NPAT: variants seen among roughly 807,000 people sequenced by gnomAD.
The protein encoded by NPAT is protein NPAT.
In NPAT, 52 loss-of-function variants were observed where a neutral mutation model predicts 130.7. The ratio of observed to expected loss-of-function variants is 0.40; its 90% CI spans 0.32 to 0.50. The LOEUF (loss-of-function observed/expected upper bound fraction) is 0.50, where lower values mean the gene tolerates loss of function less well. Ranked by LOEUF, NPAT falls within the 20% of genes least tolerant of loss-of-function variation. The probability of loss-of-function intolerance (pLI) is 0.68; values close to 1 mark genes in which losing one functional copy is unlikely to be tolerated. For missense variants in NPAT, 1,687 were observed against 1,662.6 expected (o/e 1.01, Z -0.26); for synonymous variants, 580 against 584.8 (o/e 0.99, Z 0.12).
At chr11:108,160,558 A>C (rs532180073) in intron 17 of NPAT, among the ~76,000 whole-genome samples, 40 of 113,168 alleles carry the variant, frequency 3.5e-4, no homozygotes, top group Admixed American at 6.3e-4. Flanking sequence ...GAAAGAAAGA[A>C]AAACTTTTTC....
chr11:108,187,405 T>C (rs934756479), intron 7 of NPAT, among the ~76,000 whole-genome samples: 5 of 152,322 alleles, frequency 3.3e-5, no homozygotes, highest in African/African-American at 1.2e-4. Flanking sequence ...TGAGTTATGA[T>C]TGTACCACTA....
chr11:108,182,490 TA>T (rs1486913466), intron 10 of NPAT, among the ~76,000 whole-genome samples: 1 of 152,240 alleles, frequency 6.6e-6, no homozygotes. Flanking sequence ...TAAAAACTGT[TA>T]TTTAAATCTT....
chr11:108,160,147 C>CAAA (rs777274843), intron 17 of NPAT, among the ~76,000 whole-genome samples: 1 of 100,358 alleles, frequency 1.0e-5, no homozygotes, highest in Non-Finnish European at 2.0e-5. Context: ...GACTCTGTCT[C>CAAA]AAAAAAAAAA....
chr11:108,220,706 G>A lies in NPAT; in HGVS notation c.37+1794C>T, dbSNP rs190498189. ...GTAAAATGATAAACGACAAAAGTAA[G>A]AGCATTAGGCATGGGGAGGCTTTTT... is the stretch of plus-strand genomic sequence containing the variant. On this transcript the variant is annotated intron_variant, in intron 1 of 17. Transcript: ENST00000278612. Among the ~76,000 whole-genome samples, 476 of 152,336 alleles carry A rather than the reference G, an allele frequency of 3.1e-3. 1 individual carries two copies. The highest frequency in any genetic ancestry group is 5.7e-3 in the Non-Finnish European group (385 of 68,022).
At chr11:108,187,264 AAC>A (rs1279119390) in intron 7 of NPAT, among the ~76,000 whole-genome samples, 1 of 152,158 alleles carries the variant, frequency 6.6e-6, no homozygotes, top group African/African-American at 2.4e-5. Flanking sequence ...CAGCCTGGGC[AAC>A]AAAGTGAGAC....
At chr11:108,220,536 A>C (rs2078473857) in intron 1 of NPAT, among the ~76,000 whole-genome samples, 1 of 152,212 alleles carries the variant, frequency 6.6e-6, no homozygotes, top group Non-Finnish European at 1.5e-5. Flanking sequence ...TAGGCACCCA[A>C]AGATTTGCTA....
At chr11:108,191,358 T>C (rs1372394363) in intron 4 of NPAT, among the ~76,000 whole-genome samples, 1 of 152,124 alleles carries the variant, frequency 6.6e-6, no homozygotes, top group Non-Finnish European at 1.5e-5. Context: ...GTTAATTCTT[T>C]TAGTATGAAT....
intron 10 of NPAT, among the ~76,000 whole-genome samples, chr11:108,181,951 G>A (rs914853899): frequency 3.9e-5 from 6 of 152,194 alleles, no homozygotes; most frequent in Admixed American, 2.0e-4. Flanking sequence ...CAGTCAAGTA[G>A]TGTGATGGCT....
At position 108,171,926 on chromosome 11, in the gene NPAT, T is replaced by C; in HGVS notation, c.2785+273A>G. 7.2e-6 allele frequency: 3 copies of C among 418,262 alleles called. No individual in the cohort carries two copies. In the Middle Eastern group the frequency reaches 2.1e-3, roughly 287 times the overall value. The allele number at this position is 418,262 out of a possible 1,614,324, so 25.9% of individuals were successfully genotyped here. A position where few individuals can be genotyped will look rare whatever the true frequency, so the allele number is the denominator to read the frequency against. On this transcript the variant is annotated intron_variant, in intron 13 of 17. Transcript: ENST00000278612. ...ACTATGTGATGAATTAGTCTGTCTTTTCTGTTTATTGTAACTTACTAGCAC... is the reference window on the plus strand; with the variant it reads ...ACTATGTGATGAATTAGTCTGTCTTCTCTGTTTATTGTAACTTACTAGCAC...
intron 1 of NPAT, among the ~76,000 whole-genome samples, chr11:108,203,580 G>T (rs552638936): frequency 6.6e-6 from 1 of 152,206 alleles, no homozygotes; most frequent in Admixed American, 6.5e-5. Flanking sequence ...AATGACAAAA[G>T]GTTAAGTGTC....
At chr11:108,160,796 T>C in intron 17 of NPAT, 84 bp downstream of exon 17, 1 of 1,227,492 alleles carries the variant, frequency 8.1e-7, no homozygotes. Flanking sequence ...TCAGTCAAGT[T>C]GTTGTGGCAA....
chr11:108,208,041 C>T (rs949534338), intron 1 of NPAT, among the ~76,000 whole-genome samples: 2 of 152,248 alleles, frequency 1.3e-5, no homozygotes, highest in African/African-American at 2.4e-5. Context: ...TATCCCTTAT[C>T]TGAAATGCTT....
chr11:108,181,686 T>C (rs944134141), intron 10 of NPAT, among the ~76,000 whole-genome samples: 13 of 151,820 alleles, frequency 8.6e-5, no homozygotes, highest in Admixed American at 6.6e-4. Context: ...TTTTCCTTTA[T>C]ATCACACTAA....
chr11:108,197,501 T>C, intron 1 of NPAT, 81 bp from the exon 2 acceptor site: 3 of 895,692 alleles, frequency 3.3e-6, no homozygotes, highest in Non-Finnish European at 5.6e-6. Flanking sequence ...TGCTGTAGCA[T>C]GTACTGATGT....
rs2078194673 is a variant in NPAT, at chr11:108,193,850, T to C, written c.217+107A>G. 1.6e-5 allele frequency: 11 copies of C among 707,868 alleles called. No individual in the cohort carries two copies. In the East Asian group the frequency reaches 3.0e-4, roughly 20 times the overall value. The allele number at this position is 707,868 out of a possible 1,614,324, so 43.8% of individuals were successfully genotyped here. On this transcript the variant is annotated intron_variant, in intron 3 of 17. Transcript: ENST00000278612. Reference sequence around the variant, plus strand: ...CTCATTACAACAGGGACAAGTTTTTTCAAGGCTTTTATGAGACATTAATAA... The same window carrying C: ...CTCATTACAACAGGGACAAGTTTTTCCAAGGCTTTTATGAGACATTAATAA...
Position 108,193,983 on chromosome 11 carries a change from T to A in NPAT, c.191A>T (p.Asn64Ile). The A allele has an allele frequency of 6.3e-7, 1 of 1,579,530 alleles. No homozygotes were observed. The highest frequency in any genetic ancestry group is 8.7e-7 in the Non-Finnish European group (1 of 1,149,460). ...TTTTGTTTTCATAGCTACATACTCA[T>A]TTAAAATTGTTGTCAAGTTTTTTCC... ...LFGKNLTTIL[N>I]EYVAMKTKET... Residue 64 changes from asparagine to isoleucine, a missense_variant, in exon 3 of 18, where the codon AAT becomes ATT. Asn to Ile is a moderately radical substitution (Grantham distance 149). Around this residue, in one of 3 missense-constraint regions of NPAT, gnomAD observed 307 missense variants for 298.9 expected, o/e 1.03. Transcript: ENST00000278612.
intron 5 of NPAT, among the ~76,000 whole-genome samples, chr11:108,190,069 T>C (rs963774334): frequency 1.3e-5 from 2 of 151,624 alleles, no homozygotes; most frequent in African/African-American, 2.4e-5. Flanking sequence ...CCCAGCACTT[T>C]GGGAGGCTGA....
At chr11:108,175,732 C>G (rs2077999459) in intron 12 of NPAT, among the ~76,000 whole-genome samples, 1 of 152,160 alleles carries the variant, frequency 6.6e-6, no homozygotes, top group African/African-American at 2.4e-5. Flanking sequence ...AGATTTTTTA[C>G]TGGTGGGAGC....
At chr11:108,207,551 C>T (rs150555721) in intron 1 of NPAT, among the ~76,000 whole-genome samples, 4 of 152,324 alleles carry the variant, frequency 2.6e-5, no homozygotes, top group East Asian at 1.9e-4. Flanking sequence ...AGAGGGGGAC[C>T]GAGGCAGCAT....
Sources: gnomAD v4.1 joint callset for allele counts (sites outside exome capture counted in the v4.1 genomes callset) on GRCh38, gnomAD v4.1.1 for gene constraint, gnomAD v4.1.1 regional missense constraint, MANE v1.5 for transcripts, NCBI Gene and HGNC (gene_info 2026-07-23, HGNC 2026-07-21) for gene names.